Variants in CNOT1 observed in about 807,000 individuals in gnomAD.
The protein encoded by CNOT1 is CCR4-NOT transcription complex subunit 1.
CNOT1 carries 15 observed loss-of-function variants against 273.8 expected under a neutral mutation model. The observed-to-expected ratio is 0.05, with a 90% CI of 0.04 to 0.08. The LOEUF (loss-of-function observed/expected upper bound fraction) is 0.08. Ranked by LOEUF, CNOT1 falls within the 10% of genes least tolerant of loss-of-function variation. The pLI, the probability that CNOT1 is intolerant of heterozygous loss-of-function variation, is 1.00. For synonymous variants in CNOT1, 1,022 were observed against 1,005.5 expected (o/e 1.02, Z -0.31); for missense variants, 1,644 against 2,912.2 (o/e 0.56, Z 10.02).
chr16:58,616,625 T>G (rs2043093666), intron 1 of CNOT1, among the ~76,000 whole-genome samples: 1 of 152,182 alleles, frequency 6.6e-6, no homozygotes, highest in Non-Finnish European at 1.5e-5. Context: ...CCTTCTGCCT[T>G]CACTACCCAT....
intron 1 of CNOT1, among the ~76,000 whole-genome samples, chr16:58,619,746 G>A (rs922230100): frequency 1.1e-4 from 16 of 151,976 alleles, no homozygotes; most frequent in African/African-American, 3.9e-4. Context: ...TTCATAGTGA[G>A]GAAATGAAAA....
chr16:58,581,229 G>A, intron 11 of CNOT1, 116 bp downstream of exon 11: 1 of 1,219,588 alleles, frequency 8.2e-7, no homozygotes, highest in Non-Finnish European at 1.1e-6. Context: ...GCTTTTCTGT[G>A]CTATGTATAA....
intron 1 of CNOT1, among the ~76,000 whole-genome samples, chr16:58,612,312 A>C (rs997330413): frequency 2.0e-5 from 3 of 152,188 alleles, no homozygotes; most frequent in Non-Finnish European, 4.4e-5. Flanking sequence ...CTAAATACTA[A>C]ATACAGAATA....
At chr16:58,616,641 T>C (rs2043094562) in intron 1 of CNOT1, among the ~76,000 whole-genome samples, 1 of 152,218 alleles carries the variant, frequency 6.6e-6, no homozygotes, top group African/African-American at 2.4e-5. Context: ...CCCATCATAG[T>C]GCTTATTTTT....
chr16:58,597,609 T>A (rs115475302), intron 2 of CNOT1: 1 of 391,414 alleles, frequency 2.6e-6, no homozygotes, highest in Non-Finnish European at 4.9e-6. Flanking sequence ...GTTTGGCACT[T>A]TGATCTGTAA....
At chr16:58,592,262 C>G (rs1173420704) in intron 2 of CNOT1, among the ~76,000 whole-genome samples, 2 of 151,840 alleles carry the variant, frequency 1.3e-5, no homozygotes, top group African/African-American at 4.8e-5. Context: ...TGGTGAGGAG[C>G]AGACAGCATG....
In CNOT1 at chr16:58,539,803, G is replaced by A. The variant is rs747639923; in HGVS notation, c.4957C>T (p.Arg1653Trp). 2 of 1,613,994 alleles carry A rather than the reference G, an allele frequency of 1.2e-6. No homozygotes were observed. The highest frequency in any genetic ancestry group is 1.7e-6 in the Non-Finnish European group (2 of 1,179,950). The change falls in exon 35 of 49, where the codon CGG (arginine) becomes TGG (tryptophan). Residue 1653 changes from arginine to tryptophan, a missense_variant. Arg to Trp is a moderately radical substitution (Grantham distance 101). Around this residue, in one of 13 missense-constraint regions of CNOT1, gnomAD observed 170 missense variants for 273.1 expected, o/e 0.62. Coordinates refer to ENST00000317147, the MANE Select transcript of CNOT1 (RefSeq NM_016284.5). Reference protein sequence around the residue: ...LEVVVLSRNSRDAIAALGLLQ... With the variant: ...LEVVVLSRNSWDAIAALGLLQ... Reference sequence around the variant, plus strand: ...AATCCAAGAGCAGCTATGGCATCCCGAGAGTTTCGAGATAAAACTACAACC... The same window carrying A: ...AATCCAAGAGCAGCTATGGCATCCCAAGAGTTTCGAGATAAAACTACAACC...
chr16:58,538,984 C>T (rs2039996668), intron 35 of CNOT1, 70 bp from the exon 36 acceptor site: 2 of 1,563,178 alleles, frequency 1.3e-6, no homozygotes, highest in Non-Finnish European at 1.7e-6. Flanking sequence ...CAGCCAGAAA[C>T]CAAATCTCAA....
chr16:58,552,402 G>A (rs1394826191), intron 22 of CNOT1, among the ~76,000 whole-genome samples: 4 of 152,146 alleles, frequency 2.6e-5, no homozygotes, highest in Non-Finnish European at 5.9e-5. Context: ...AGTCTCAGAA[G>A]AAAGTATAGC....
intron 1 of CNOT1, among the ~76,000 whole-genome samples, chr16:58,607,950 T>G (rs1389631772): frequency 6.6e-6 from 1 of 151,726 alleles, no homozygotes; most frequent in African/African-American, 2.4e-5. Flanking sequence ...GGCGGGCAGA[T>G]CACCTGAGGC....
chr16:58,521,149 A>G, intron 48 of CNOT1, 34 bp downstream of exon 48: 1 of 1,612,734 alleles, frequency 6.2e-7, no homozygotes, highest in South Asian at 1.1e-5. Flanking sequence ...CTCCAGTCTC[A>G]TTCCTAGACA....
rs1037141726 is a variant in CNOT1 at position 58,547,285 on chromosome 16, C to T, written c.3651G>A (p.Val1217=). The stretch of plus-strand genomic sequence containing the variant: ...CATAAGCCTCTAGCAGCAATGATTT[C>T]ACATCCAAGTCCTAGAATAAGAAAA... The part of the protein sequence containing the change: ...NKPILHTDLD[V]KSLLLEAYVK... Residue 1217 remains valine, a synonymous_variant, in exon 27 of 49, where the codon GTG becomes GTA. Coordinates refer to ENST00000317147, the MANE Select transcript of CNOT1 (RefSeq NM_016284.5). The surrounding 1 kb of genome is among the most constrained non-coding windows in gnomAD (Gnocchi z 4.0). 1.2e-6 allele frequency: 2 copies of T among 1,613,662 alleles called. No individual in the cohort carries two copies. The highest frequency in any genetic ancestry group is 2.7e-5 in the African/African-American group (2 of 74,896).
At chr16:58,596,404 G>C (rs150308254) in intron 2 of CNOT1, among the ~76,000 whole-genome samples, 2 of 152,144 alleles carry the variant, frequency 1.3e-5, no homozygotes, top group Admixed American at 6.6e-5. Context: ...CATGAGAAAT[G>C]TAAGTTTGAA....
chr16:58,553,694 T>A, intron 22 of CNOT1, 88 bp downstream of exon 22: 2 of 1,437,418 alleles, frequency 1.4e-6, no homozygotes, highest in Non-Finnish European at 1.8e-6. Flanking sequence ...TTAATGCCAT[T>A]ACTATCAAGT....
Position 58,526,012 on chromosome 16 carries a change from A to T in CNOT1, c.6580T>A (p.Ser2194Thr). 1 of 1,614,158 alleles carries T rather than the reference A, an allele frequency of 6.2e-7. No individual in the cohort carries two copies. The highest frequency in any genetic ancestry group is 1.3e-5 in the African/African-American group (1 of 75,054). The change falls in exon 45 of 49, where the codon TCT (serine) becomes ACT (threonine). Residue 2194 changes from serine to threonine, a missense_variant. Coordinates refer to ENST00000317147, the MANE Select transcript of CNOT1 (RefSeq NM_016284.5). ...ACCTGTAGGTTGCTGCGCAGATCAGACAGGAAAGTGACTGGTGATCGAGTT... is the reference window on the plus strand; with the variant it reads ...ACCTGTAGGTTGCTGCGCAGATCAGTCAGGAAAGTGACTGGTGATCGAGTT... ...LKTRSPVTFL[S>T]DLRSNLQVSN...
chr16:58,625,645 C>T (rs548007155), intron 1 of CNOT1, among the ~76,000 whole-genome samples: 10 of 151,732 alleles, frequency 6.6e-5, no homozygotes, highest in African/African-American at 7.3e-5. Context: ...GATCATACCA[C>T]TGCACTCCAG....
At chr16:58,557,110 T>C (rs2040657104) in intron 18 of CNOT1, 117 bp from the exon 19 acceptor site, 1 of 1,339,732 alleles carries the variant, frequency 7.5e-7, no homozygotes, top group Admixed American at 3.0e-5. Flanking sequence ...AACTCTTACT[T>C]TAAAAGTCAG....
intron 12 of CNOT1, among the ~76,000 whole-genome samples, chr16:58,580,237 TATAA>T (rs2041609664): frequency 1.4e-5 from 2 of 146,320 alleles, no homozygotes; most frequent in African/African-American, 5.1e-5. Flanking sequence ...ATCCCAAAAA[TATAA>T]ATAAGAAAAG....
chr16:58,599,646 T>C (rs1483076874), intron 1 of CNOT1, 135 bp from the exon 2 acceptor site: 2 of 442,210 alleles, frequency 4.5e-6, no homozygotes, highest in Non-Finnish European at 8.0e-6. Context: ...GAGAATAGGG[T>C]TAAACTACCA....
Sources: gnomAD v4.1 joint callset for allele counts (sites outside exome capture counted in the v4.1 genomes callset) on GRCh38, gnomAD v4.1.1 for gene constraint, gnomAD v4.1.1 regional missense constraint, Gnocchi (gnomAD v3.1) non-coding constraint, MANE v1.5 for transcripts, NCBI Gene and HGNC (gene_info 2026-07-23, HGNC 2026-07-21) for gene names.